Variants in SNX13 observed in about 807,000 individuals in gnomAD.
SNX13 encodes sorting nexin 13.
SNX13 carries 45 observed loss-of-function variants against 133.6 expected under a neutral mutation model. The observed-to-expected ratio is 0.34, with a 90% CI of 0.27 to 0.43. SNX13 has a LOEUF of 0.43. SNX13 is among the 20% of genes least tolerant of loss of function. The probability of loss-of-function intolerance (pLI) is 1.00; values close to 1 mark genes in which losing one functional copy is unlikely to be tolerated. For synonymous variants in SNX13, 414 were observed against 373.9 expected (o/e 1.11, Z -1.24); for missense variants, 1,032 against 1,145.1 (o/e 0.90, Z 1.43).
In SNX13 at chr7:17,825,912, C is replaced by T. The variant is rs969999619; in HGVS notation, c.1705+110G>A. 7.4e-6 allele frequency: 5 copies of T among 676,144 alleles called. No individual in the cohort carries two copies. In the Admixed American group the frequency reaches 1.6e-4, roughly 22 times the overall value. The allele number at this position is 676,144 out of a possible 1,614,324, so 41.9% of individuals were successfully genotyped here. ...ATGCTGCAGAAAAAAAGTAACAAAA[C>T]TATGACTAGAGAACAAAAAAATGGT... is the stretch of plus-strand genomic sequence containing the variant. On this transcript the variant is annotated intron_variant, in intron 17 of 25. Transcript: ENST00000428135.
chr7:17,805,398 A>C (rs1390759627), intron 20 of SNX13, among the ~76,000 whole-genome samples: 1 of 152,228 alleles, frequency 6.6e-6, no homozygotes, highest in African/African-American at 2.4e-5. Flanking sequence ...CATATAAATA[A>C]GCTAAGTCAT....
intron 1 of SNX13, among the ~76,000 whole-genome samples, chr7:17,930,853 T>A (rs889785535): frequency 6.6e-6 from 1 of 152,106 alleles, no homozygotes; most frequent in African/African-American, 2.4e-5. Context: ...TAGATTCTCA[T>A]AGGAGCACTA....
At chr7:17,873,916 C>T (rs1036273982) in intron 7 of SNX13, among the ~76,000 whole-genome samples, 1 of 152,116 alleles carries the variant, frequency 6.6e-6, no homozygotes, top group African/African-American at 2.4e-5. Context: ...ACCAGGTACT[C>T]TGTAATTCTA....
At chr7:17,847,655 A>T (rs544749309) in intron 11 of SNX13, among the ~76,000 whole-genome samples, 4 of 152,346 alleles carry the variant, frequency 2.6e-5, no homozygotes, top group Admixed American at 6.5e-5. Flanking sequence ...TTAAAGCCCC[A>T]AATCTCTGCT....
chr7:17,870,098 A>T (rs946884458), intron 8 of SNX13, among the ~76,000 whole-genome samples: 2 of 152,198 alleles, frequency 1.3e-5, no homozygotes, highest in African/African-American at 4.8e-5. Flanking sequence ...AAATATTCCA[A>T]GCAAGTAGGC....
intron 23 of SNX13, 90 bp downstream of exon 23, chr7:17,798,919 C>T (rs969602519): frequency 1.4e-6 from 2 of 1,459,010 alleles, no homozygotes; most frequent in Non-Finnish European, 1.8e-6. Context: ...GAAAAAAATT[C>T]TCCTACAAAG....
Position 17,800,456 on chromosome 7 carries a change from TGGA to T in SNX13, c.2298+1129_2298+1131del, listed in dbSNP as rs1784494916. Among the ~76,000 whole-genome samples the T allele has an allele frequency of 1.3e-4, 19 of 151,890 alleles. No homozygotes were observed. The South Asian group carries it at 3.7e-3, about 30-fold the overall frequency. On this transcript the variant is annotated intron_variant, in intron 22 of 25. Coordinates refer to ENST00000428135, the MANE Select transcript of SNX13 (RefSeq NM_015132.5). ...GATGGCCTTTTCAGTAAATGGTGCTTGGATCAACTGGACCCATACTTCAATCCA... is the reference window on the plus strand; with the variant it reads ...GATGGCCTTTTCAGTAAATGGTGCTTTCAACTGGACCCATACTTCAATCCA...
At chr7:17,901,587 G>A (rs1198018161) in intron 1 of SNX13, among the ~76,000 whole-genome samples, 1 of 152,148 alleles carries the variant, frequency 6.6e-6, no homozygotes, top group Non-Finnish European at 1.5e-5. Flanking sequence ...TGACAGGGCA[G>A]CACTGAGTTC....
At chr7:17,804,770 A>G (rs775993315) in intron 20 of SNX13, among the ~76,000 whole-genome samples, 23 of 152,144 alleles carry the variant, frequency 1.5e-4, no homozygotes, top group Admixed American at 1.1e-3. Context: ...CATAAAAGCT[A>G]CCAGTGAAAA....
intron 17 of SNX13, 162 bp from the exon 18 acceptor site, chr7:17,821,810 A>T (rs1355943024): frequency 1.6e-5 from 12 of 739,028 alleles, no homozygotes; most frequent in Non-Finnish European, 2.5e-5. Context: ...GATGTCAGCA[A>T]AGGATAGATT....
In SNX13 at chr7:17,796,866, T is replaced by C. The variant is rs760168503; in HGVS notation, c.2587A>G (p.Arg863Gly). Residue 863 changes from arginine to glycine, a missense_variant, in exon 25 of 26, where the codon AGA becomes GGA. Transcript: ENST00000428135. ...AGTAATTTCGTTTTTCCTGCTACTC[T>C]TGTTCTCATTCGAATACTTTTATCT... ...CRDKSIRMRT[R>G]VAGKTKLLAI... The C allele has an allele frequency of 1.2e-6, 2 of 1,611,226 alleles. No homozygotes were observed. Among genetic ancestry groups the C allele is most frequent in the Non-Finnish European group, 1.7e-6 (2 of 1,178,148 alleles).
Position 17,792,560 on chromosome 7 carries a change from T to G in SNX13, c.*1485A>C, listed in dbSNP as rs1011305444. 38 of 152,404 alleles carry G rather than the reference T, an allele frequency of 2.5e-4. No homozygotes were observed. Among genetic ancestry groups the G allele is most frequent in the African/African-American group, 8.2e-4 (34 of 41,420 alleles). The allele number at this position is 152,404 out of a possible 1,614,324, so 9.4% of individuals were successfully genotyped here. ...TGATATCTTGTTCCAATCTTAAAGC[T>G]CCCAAATAACTGGGATACCAATACT... On this transcript the variant is annotated 3_prime_UTR_variant, in exon 26 of 26. Coordinates refer to ENST00000428135, the MANE Select transcript of SNX13 (RefSeq NM_015132.5).
rs1401213640 is a variant in SNX13, at chr7:17,805,248, T to TGCGC, written c.2065-1669_2065-1668insGCGC. On this transcript the variant is annotated intron_variant, in intron 20 of 25. Transcript: ENST00000428135. ...GTGTGTGTGTGTGTGTGTGTGTGTG[T>TGCGC]GTGCGTGCGCGCGCGCGCATGCATG... Among the ~76,000 whole-genome samples the TGCGC allele has an allele frequency of 9.4e-4, 84 of 89,366 alleles. 1 individual carries two copies. The highest frequency in any genetic ancestry group is 2.6e-3 in the African/African-American group (74 of 28,576). The allele number at this position is 89,366 out of a possible 152,430, so 58.6% of individuals were successfully genotyped here.
intron 21 of SNX13, among the ~76,000 whole-genome samples, chr7:17,803,060 T>C (rs1484127817): frequency 1.3e-5 from 2 of 152,192 alleles, no homozygotes; most frequent in Non-Finnish European, 2.9e-5. Context: ...TGAATACTAG[T>C]ATAACTCATC....
chr7:17,921,234 G>A (rs1421746002), intron 1 of SNX13, among the ~76,000 whole-genome samples: 1 of 152,166 alleles, frequency 6.6e-6, no homozygotes, highest in Non-Finnish European at 1.5e-5. Flanking sequence ...GGGCACTACA[G>A]GACTGCTGGA....
chr7:17,890,216 T>C (rs891822927), intron 5 of SNX13, 147 bp downstream of exon 5: 4 of 628,282 alleles, frequency 6.4e-6, no homozygotes, highest in African/African-American at 5.7e-5. Context: ...GAGCTCTAGT[T>C]GTAAAATCTT....
rs1783467626 is a variant in SNX13, at chr7:17,790,817, T to G, written c.*3228A>C. The G allele has an allele frequency of 6.6e-6, 1 of 152,124 alleles. No homozygotes were observed. Among genetic ancestry groups the G allele is most frequent in the Non-Finnish European group, 1.5e-5 (1 of 67,950 alleles). The allele number at this position is 152,124 out of a possible 1,614,324, so 9.4% of individuals were successfully genotyped here. On this transcript the variant is annotated 3_prime_UTR_variant, in exon 26 of 26. Transcript: ENST00000428135. ...TGGACAGAACACAAACCAAATAAAT[T>G]TTTTAATCCTTTTAGTTGAATAAAA...
Position 17,890,499 on chromosome 7 carries a change from T to C in SNX13, c.319-15A>G. ...AACTGGATAACCTATAACAAAAATA[T>C]TGGAAAAAAAATTACAACATTTTAG... On this transcript the variant is annotated splice_polypyrimidine_tract_variant and intron_variant, in intron 4 of 25. Coordinates refer to ENST00000428135, the MANE Select transcript of SNX13 (RefSeq NM_015132.5). The C allele has an allele frequency of 6.5e-7, 1 of 1,535,362 alleles. No individual in the cohort carries two copies. Among genetic ancestry groups the C allele is most frequent in the Non-Finnish European group, 8.8e-7 (1 of 1,140,312 alleles).
intron 24 of SNX13, among the ~76,000 whole-genome samples, chr7:17,797,850 A>C (rs1308571565): frequency 6.6e-6 from 1 of 151,864 alleles, no homozygotes; most frequent in Admixed American, 6.6e-5. Context: ...TTAGCTTCAG[A>C]TTAGAGAAAC....
Sources: allele counts gnomAD v4.1 joint callset (sites outside exome capture counted in the v4.1 genomes callset), GRCh38; gene constraint gnomAD v4.1.1; transcripts MANE v1.5; gene names NCBI Gene and HGNC (gene_info 2026-07-23, HGNC 2026-07-21).